Variants in JMJD1C observed in about 807,000 individuals in gnomAD.
JMJD1C encodes the protein jumonji domain-containing protein 1C.
A neutral mutation model predicts 245.3 loss-of-function variants in JMJD1C; 31 were observed. The ratio of observed to expected loss-of-function variants is 0.13; its 90% CI spans 0.09 to 0.17. The LOEUF is 0.17. Among genes scored for constraint, JMJD1C ranks in the 10% least tolerant of loss-of-function variants. The probability of loss-of-function intolerance (pLI) is 1.00; values close to 1 mark genes in which losing one functional copy is unlikely to be tolerated. For missense variants in JMJD1C, 2,691 were observed against 3,000.2 expected (o/e 0.90, Z 2.41); for synonymous variants, 1,057 against 1,017.4 (o/e 1.04, Z -0.74).
chr10:63,334,772 G>T (rs2134185544), intron 2 of JMJD1C, among the ~76,000 whole-genome samples: 2 of 146,596 alleles, frequency 1.4e-5, no homozygotes, highest in South Asian at 2.5e-4. Flanking sequence ...GGGGTGGCGT[G>T]ATCTCAGCTT....
intron 2 of JMJD1C, among the ~76,000 whole-genome samples, chr10:63,275,007 G>A (rs2133850628): frequency 6.6e-6 from 1 of 152,210 alleles, no homozygotes; most frequent in African/African-American, 2.4e-5. Flanking sequence ...ACCAGCCTGG[G>A]CAACATTGCA....
At chr10:63,331,304 C>A (rs1371913761) in intron 2 of JMJD1C, among the ~76,000 whole-genome samples, 1 of 152,126 alleles carries the variant, frequency 6.6e-6, no homozygotes, top group African/African-American at 2.4e-5. Flanking sequence ...AACTCTTAAA[C>A]CCACTTCTCA....
At position 63,198,506 on chromosome 10, in the gene JMJD1C, T is replaced by G; in HGVS notation, c.5491+7A>C. 6.5e-7 allele frequency: 1 copy of G among 1,545,204 alleles called. No individual in the cohort carries two copies. The highest frequency in any genetic ancestry group is 8.8e-7 in the Non-Finnish European group (1 of 1,132,972). On this transcript the variant is annotated splice_region_variant and intron_variant, in intron 12 of 25. Transcript: ENST00000399262. ...TGTGCAGTTCATGTTATATTTAACT[T>G]CCTTACCATCCTTTTTCACCCAGGA...
rs372759466 is a variant in JMJD1C, at chr10:63,289,672, T to C, written c.334-24908A>G. ...CCAAGAAAATTTACAAATACCTTAA[T>C]GCTAAAATAAACAGTATTGTAATCC... On this transcript the variant is annotated intron_variant, in intron 2 of 25. Transcript: ENST00000399262. 1.1e-3 allele frequency among the ~76,000 whole-genome samples: 163 copies of C among 152,346 alleles called. 2 individuals are homozygous for C. In the South Asian group the frequency reaches 0.031, roughly 29 times the overall value.
intron 3 of JMJD1C, among the ~76,000 whole-genome samples, chr10:63,236,200 T>C (rs1347285577): frequency 1.3e-5 from 2 of 152,336 alleles, no homozygotes; most frequent in Non-Finnish European, 2.9e-5. Context: ...TAACTACTAA[T>C]AGGGTTTCTT....
At chr10:63,401,686 T>C (rs1347377207) in intron 1 of JMJD1C, among the ~76,000 whole-genome samples, 1 of 152,164 alleles carries the variant, frequency 6.6e-6, no homozygotes, top group Non-Finnish European at 1.5e-5. Flanking sequence ...GGGATTGTTT[T>C]ATAAATATCT....
At chr10:63,487,306 G>GGCAA (rs1260605759) in intron 1 of JMJD1C, among the ~76,000 whole-genome samples, 1 of 152,114 alleles carries the variant, frequency 6.6e-6, no homozygotes, top group East Asian at 1.9e-4. Flanking sequence ...AAGATGAAGG[G>GGCAA]GCAAGTAAAG....
At chr10:63,310,150 T>G (rs1375623328) in intron 2 of JMJD1C, among the ~76,000 whole-genome samples, 2 of 152,134 alleles carry the variant, frequency 1.3e-5, no homozygotes, top group African/African-American at 2.4e-5. Flanking sequence ...AACAGCATAA[T>G]ACAAGACTCC....
At chr10:63,303,833 T>C (rs1005376120) in intron 2 of JMJD1C, among the ~76,000 whole-genome samples, 6 of 152,210 alleles carry the variant, frequency 3.9e-5, no homozygotes, top group Admixed American at 2.6e-4. Flanking sequence ...CCATTAATAA[T>C]AGCTTGTTAT....
rs1357533464 is a variant in JMJD1C at position 63,311,045 on chromosome 10, T to A, written c.334-46281A>T. Among the ~76,000 whole-genome samples the A allele has an allele frequency of 2.0e-5, 3 of 151,956 alleles. No individual in the cohort carries two copies. In the South Asian group the frequency reaches 6.2e-4, roughly 31 times the overall value. ...AAGAAAACCACACTGGAGAGATGTA[T>A]GAGAATGTCTAGTAAATGGGTATGA... On this transcript the variant is annotated intron_variant, in intron 2 of 25. Transcript: ENST00000399262.
intron 15 of JMJD1C, 75 bp downstream of exon 15, chr10:63,193,270 C>G: frequency 6.6e-7 from 1 of 1,504,506 alleles, no homozygotes; most frequent in Non-Finnish European, 9.0e-7. Context: ...AGTCCTAAAC[C>G]AAATTTCAAA....
At chr10:63,269,980 T>TA (rs895942039) in intron 2 of JMJD1C, among the ~76,000 whole-genome samples, 1 of 152,066 alleles carries the variant, frequency 6.6e-6, no homozygotes, top group East Asian at 1.9e-4. Flanking sequence ...ACATTGAATA[T>TA]AAAAAAAATT....
intron 2 of JMJD1C, among the ~76,000 whole-genome samples, chr10:63,314,886 T>C (rs567916387): frequency 4.9e-4 from 74 of 151,938 alleles, no homozygotes; most frequent in Non-Finnish European, 8.4e-4. Context: ...GACTTTCAGG[T>C]GATCTGCCTG....
At chr10:63,453,634 T>C (rs897131665) in intron 1 of JMJD1C, among the ~76,000 whole-genome samples, 1 of 152,214 alleles carries the variant, frequency 6.6e-6, no homozygotes, top group Non-Finnish European at 1.5e-5. Context: ...TTACTGATCC[T>C]TTGCGTCTGT....
intron 1 of JMJD1C, among the ~76,000 whole-genome samples, chr10:63,458,621 G>C (rs1952570216): frequency 6.6e-6 from 1 of 151,788 alleles, no homozygotes. Flanking sequence ...ACCAAAAATC[G>C]TATTAGTATT....
At chr10:63,290,497 G>T (rs1355657041) in intron 2 of JMJD1C, among the ~76,000 whole-genome samples, 1 of 152,106 alleles carries the variant, frequency 6.6e-6, no homozygotes, top group African/African-American at 2.4e-5. Flanking sequence ...GGAGGCGGAG[G>T]TTGCAGTGAG....
At chr10:63,345,403 C>T (rs893736649) in intron 2 of JMJD1C, among the ~76,000 whole-genome samples, 1 of 150,376 alleles carries the variant, frequency 6.6e-6, no homozygotes, top group Non-Finnish European at 1.5e-5. Context: ...AGGAGAATCG[C>T]TTGAACCCAG....
chr10:63,329,180 A>C (rs1010419116), intron 2 of JMJD1C, among the ~76,000 whole-genome samples: 1 of 151,842 alleles, frequency 6.6e-6, no homozygotes, highest in Non-Finnish European at 1.5e-5. Flanking sequence ...TACTCAGGAG[A>C]CTGAGGTGGG....
upstream of JMJD1C, chr10:63,466,095 G>A: frequency 5.1e-6 from 1 of 195,174 alleles, no homozygotes; most frequent in Non-Finnish European, 1.0e-5. Context: ...GTAGTGCCCG[G>A]CCCTGCGGAG....
Sources: gnomAD v4.1 joint callset for allele counts (sites outside exome capture counted in the v4.1 genomes callset) on GRCh38, gnomAD v4.1.1 for gene constraint, MANE v1.5 for transcripts, NCBI Gene and HGNC (gene_info 2026-07-23, HGNC 2026-07-21) for gene names.